The following FBXO33 variants were observed in gnomAD, a reference collection of about 807,000 sequenced individuals.
FBXO33 encodes F-box protein 33.
FBXO33 carries 22 observed loss-of-function variants against 46.3 expected under a neutral mutation model. The observed-to-expected ratio is 0.48, with a 90% CI of 0.34 to 0.68. FBXO33 has a LOEUF of 0.68. Among genes scored for constraint, FBXO33 ranks in the 30% least tolerant of loss-of-function variants. FBXO33 has a pLI of 0.01. For synonymous variants in FBXO33, 337 were observed against 291.3 expected, an observed-to-expected ratio of 1.16 and a Z score of -1.60; for missense variants, 692 against 708.8, an observed-to-expected ratio of 0.98 and a Z score of 0.27.
intron 1 of FBXO33, 146 bp downstream of exon 1, chr14:39,431,418 C>A: frequency 7.1e-7 from 1 of 1,414,680 alleles, no homozygotes; most frequent in East Asian, 2.5e-5. Flanking sequence ...TCAAGGAAAC[C>A]GCCTAGTTAG....
rs775239655 is a variant in FBXO33, at chr14:39,401,434, T to C, written c.1138A>G (p.Lys380Glu). The change falls in exon 3 of 4, where the codon AAG becomes GAG. Residue 380 changes from lysine (K) to glutamate (E), a missense_variant. This residue lies in a region of FBXO33 where 186 missense variants were observed against 246.1 expected (regional missense o/e 0.76). Coordinates refer to ENST00000298097, the MANE Select transcript of FBXO33 (RefSeq NM_203301.4). ...FRVYIMAFDI[K>E]SEDMLKILKP... ...AGAATCTTTAACATATCTTCACTCT[T>C]GATATCAAAAGCCATTATATAGACC... 4.3e-6 allele frequency: 7 copies of C among 1,614,104 alleles called. No homozygotes were observed. In the African/African-American group the frequency reaches 8.0e-5, roughly 18 times the overall value.
chr14:39,400,190 A>G (rs1399752568), intron 3 of FBXO33, among the ~76,000 whole-genome samples: 1 of 152,234 alleles, frequency 6.6e-6, no homozygotes, highest in Non-Finnish European at 1.5e-5. Flanking sequence ...TGTATTTTTC[A>G]TTTGTGAAAA....
intron 1 of FBXO33, among the ~76,000 whole-genome samples, chr14:39,417,156 T>C (rs1443184808): frequency 6.6e-6 from 1 of 152,144 alleles, no homozygotes; most frequent in Admixed American, 6.6e-5. Flanking sequence ...TTCCAAGCCT[T>C]TTCCCAATCT....
intron 1 of FBXO33, 33 bp downstream of exon 1, chr14:39,431,531 T>C: frequency 6.2e-7 from 1 of 1,606,448 alleles, no homozygotes; most frequent in Middle Eastern, 1.6e-4. Context: ...GACCCCCCGT[T>C]ACCGGGCGGG....
At chr14:39,403,860 G>C (rs2075380322) in intron 1 of FBXO33, among the ~76,000 whole-genome samples, 1 of 150,654 alleles carries the variant, frequency 6.6e-6, no homozygotes, top group African/African-American at 2.4e-5. Flanking sequence ...GGAGCGCAGT[G>C]GTATGATCAC....
intron 1 of FBXO33, among the ~76,000 whole-genome samples, chr14:39,411,436 C>T (rs1416665948): frequency 6.6e-6 from 1 of 151,648 alleles, no homozygotes; most frequent in Non-Finnish European, 1.5e-5. Flanking sequence ...TATAAATTTT[C>T]CTTTTAGTAT....
chr14:39,419,721 A>G (rs2075471195), intron 1 of FBXO33, among the ~76,000 whole-genome samples: 1 of 152,250 alleles, frequency 6.6e-6, no homozygotes. Context: ...TTCCCGCAGA[A>G]TGTCCACAAA....
At chr14:39,418,149 C>T (rs1376579353) in intron 1 of FBXO33, among the ~76,000 whole-genome samples, 2 of 151,646 alleles carry the variant, frequency 1.3e-5, no homozygotes, top group African/African-American at 4.8e-5. Flanking sequence ...CTGCAAGCTC[C>T]GCCTCCCGGG....
intron 1 of FBXO33, among the ~76,000 whole-genome samples, chr14:39,425,953 C>T (rs2075511056): frequency 6.6e-6 from 1 of 152,132 alleles, no homozygotes; most frequent in African/African-American, 2.4e-5. Flanking sequence ...TCCGTATTAG[C>T]TTTGGGACCC....
intron 1 of FBXO33, among the ~76,000 whole-genome samples, chr14:39,419,402 T>A (rs1176384617): frequency 6.6e-6 from 1 of 152,222 alleles, no homozygotes; most frequent in African/African-American, 2.4e-5. Flanking sequence ...TACATGGTGT[T>A]GAAATTAGAT....
rs751020412 is a variant in FBXO33 at position 39,431,655 on chromosome 14, C to G, written c.508G>C (p.Glu170Gln). The G allele has an allele frequency of 1.9e-6, 3 of 1,613,608 alleles. No individual in the cohort carries two copies. Among genetic ancestry groups the G allele is most frequent in the East Asian group, 4.5e-5 (2 of 44,872 alleles). ...CAACGAGCTGAGAGCTGCAGGGCCT[C>G]GACTTCCTCCCCTCCAGTCCCGGTG... ...ADTGTGGEEV[E>Q]ALQLSARWLE... Residue 170 changes from glutamate to glutamine, a missense_variant, in exon 1 of 4, where the codon GAG becomes CAG. Transcript: ENST00000298097.
At chr14:39,420,183 A>G (rs1303143288) in intron 1 of FBXO33, among the ~76,000 whole-genome samples, 1 of 152,224 alleles carries the variant, frequency 6.6e-6, no homozygotes, top group Non-Finnish European at 1.5e-5. Flanking sequence ...TAAGTTCTAA[A>G]TATCTGTGGG....
At chr14:39,423,733 CT>C (rs2075496825) in intron 1 of FBXO33, among the ~76,000 whole-genome samples, 1 of 152,130 alleles carries the variant, frequency 6.6e-6, no homozygotes, top group Non-Finnish European at 1.5e-5. Flanking sequence ...TAATGGTTAC[CT>C]TTGAGGAAAG....
intron 1 of FBXO33, among the ~76,000 whole-genome samples, chr14:39,414,432 C>T (rs2075438070): frequency 6.6e-6 from 1 of 152,238 alleles, no homozygotes; most frequent in African/African-American, 2.4e-5. Flanking sequence ...TCTTATCACT[C>T]ATGTGATAGA....
intron 1 of FBXO33, among the ~76,000 whole-genome samples, chr14:39,408,131 G>C (rs1020018436): frequency 1.3e-5 from 2 of 151,978 alleles, no homozygotes; most frequent in African/African-American, 4.8e-5. Context: ...TTTTAGTAGA[G>C]ACAGGGTTTC....
At chr14:39,406,721 C>T (rs1204112076) in intron 1 of FBXO33, among the ~76,000 whole-genome samples, 1 of 152,088 alleles carries the variant, frequency 6.6e-6, no homozygotes, top group Non-Finnish European at 1.5e-5. Flanking sequence ...AGGTTTTTGG[C>T]TGAGTAATGA....
At chr14:39,430,325 T>C (rs1465073635) in intron 1 of FBXO33, among the ~76,000 whole-genome samples, 1 of 152,232 alleles carries the variant, frequency 6.6e-6, no homozygotes, top group Non-Finnish European at 1.5e-5. Context: ...CTTGGAGCTA[T>C]AACTTATCTC....
chr14:39,403,311 A>C (rs2139402190), intron 1 of FBXO33, among the ~76,000 whole-genome samples: 1 of 152,326 alleles, frequency 6.6e-6, no homozygotes, highest in Middle Eastern at 3.4e-3. Flanking sequence ...AAAACTATGT[A>C]AGGCCAGGTG....
Position 39,401,583 on chromosome 14 carries a change from T to C in FBXO33, c.989A>G (p.Asn330Ser), listed in dbSNP as rs367829584. The C allele has an allele frequency of 3.1e-6, 5 of 1,614,080 alleles. No homozygotes were observed. The highest frequency in any genetic ancestry group is 4.2e-6 in the Non-Finnish European group (5 of 1,180,036). The change falls in exon 3 of 4, where the codon AAC (asparagine) becomes AGC (serine). Residue 330 changes from asparagine (N) to serine (S), a missense_variant. Around this residue, in one of 3 missense-constraint regions of FBXO33, gnomAD observed 186 missense variants for 246.1 expected, o/e 0.76. Transcript: ENST00000298097. ...AEMARVLTDS[N>S]HVPLQRLSLL... ...AGACAGTCGTTGCAAAGGCACATGG[T>C]TGCTATCAGTTAAGACTCTTGCCAT...
Sources: allele counts gnomAD v4.1 joint callset (sites outside exome capture counted in the v4.1 genomes callset), GRCh38; gene constraint gnomAD v4.1.1; regional missense constraint gnomAD v4.1.1; transcripts MANE v1.5; gene names NCBI Gene and HGNC (gene_info 2026-07-23, HGNC 2026-07-21).